CAPRIN2: variants seen among roughly 807,000 people sequenced by gnomAD.
CAPRIN2 encodes the protein caprin family member 2.
CAPRIN2 carries 66 observed loss-of-function variants against 130.4 expected under a neutral mutation model. The ratio of observed to expected loss-of-function variants is 0.51; its 90% CI spans 0.42 to 0.62. The LOEUF (loss-of-function observed/expected upper bound fraction) is 0.62. Ranked by LOEUF, CAPRIN2 falls within the 20% of genes least tolerant of loss-of-function variation. The probability of loss-of-function intolerance (pLI) is 0.00; values close to 1 mark genes in which losing one functional copy is unlikely to be tolerated. For synonymous variants in CAPRIN2, 471 were observed against 444.1 expected, an observed-to-expected ratio of 1.06 and a Z score of -0.76; for missense variants, 1,185 against 1,246.6, an observed-to-expected ratio of 0.95 and a Z score of 0.74.
chr12:30,729,579 C>A (rs576408213), intron 7 of CAPRIN2, among the ~76,000 whole-genome samples: 1 of 152,284 alleles, frequency 6.6e-6, no homozygotes, highest in East Asian at 1.9e-4. Flanking sequence ...GTTGGACTTG[C>A]CTAAGACTGG....
intron 13 of CAPRIN2, chr12:30,715,632 G>C (rs2057296178): frequency 3.5e-6 from 1 of 287,160 alleles, no homozygotes; most frequent in Admixed American, 4.9e-5. Context: ...TAATGCCACA[G>C]AACTATATAG....
At chr12:30,734,893 C>G (rs1216315612) in intron 4 of CAPRIN2, 75 bp downstream of exon 5, 2 of 896,698 alleles carry the variant, frequency 2.2e-6, no homozygotes, top group Non-Finnish European at 3.7e-6. Context: ...CACACTCTCT[C>G]TCTCACATAC....
chr12:30,738,269 G>C (rs1034716068), intron 3 of CAPRIN2, among the ~76,000 whole-genome samples: 2 of 151,736 alleles, frequency 1.3e-5, no homozygotes, highest in Non-Finnish European at 2.9e-5. Context: ...AACAAAATTT[G>C]GTGAGTTGGG....
chr12:30,711,083 C>G lies in CAPRIN2; in HGVS notation c.2665+483G>C, dbSNP rs2136249827. The stretch of plus-strand genomic sequence containing the variant: ...AGATTGCTTTCCTGTGCCAAAGTTA[C>G]TCTTCAGTGATTTTTCTTCTCCCTT... On this transcript the variant is annotated intron_variant, in intron 16 of 16. Transcript: ENST00000298892. Among the ~76,000 whole-genome samples, 3 of 152,230 alleles carry G rather than the reference C, an allele frequency of 2.0e-5. No homozygotes were observed. The South Asian group carries it at 6.2e-4, about 32-fold the overall frequency.
intron 14 of CAPRIN2, among the ~76,000 whole-genome samples, chr12:30,714,282 A>G (rs1352523116): frequency 6.6e-6 from 1 of 152,182 alleles, no homozygotes; most frequent in Non-Finnish European, 1.5e-5. Flanking sequence ...GTTGGACTCA[A>G]GCATTCTTCC....
intron 2 of CAPRIN2, among the ~76,000 whole-genome samples, chr12:30,749,372 G>A (rs11051057): frequency 0.015 from 2,239 of 152,304 alleles, 64 homozygotes; most frequent in East Asian, 0.11. Context: ...TAACCATCTT[G>A]ACTTGCATCA....
At chr12:30,743,097 T>C (rs997954319) in intron 2 of CAPRIN2, among the ~76,000 whole-genome samples, 3 of 152,010 alleles carry the variant, frequency 2.0e-5, no homozygotes, top group African/African-American at 4.8e-5. Flanking sequence ...TTCCTTTCTT[T>C]ACTAAGTGAA....
At chr12:30,729,944 C>T (rs1008655430) in intron 7 of CAPRIN2, among the ~76,000 whole-genome samples, 1 of 152,172 alleles carries the variant, frequency 6.6e-6, no homozygotes, top group Non-Finnish European at 1.5e-5. Flanking sequence ...CCAAAAATAG[C>T]TATCATTTGG....
intron 9 of CAPRIN2, among the ~76,000 whole-genome samples, chr12:30,724,713 G>A (rs958476858): frequency 2.0e-5 from 3 of 152,212 alleles, no homozygotes; most frequent in East Asian, 3.9e-4. Context: ...AGAGTAGGCC[G>A]TGCGCAGTGG....
chr12:30,711,230 AAGAAGTACC>A lies in CAPRIN2; in HGVS notation c.2665+327_2665+335del, dbSNP rs1591880696. Among the ~76,000 whole-genome samples, 3 of 152,364 alleles carry A rather than the reference AAGAAGTACC, an allele frequency of 2.0e-5. No individual in the cohort carries two copies. The East Asian group carries it at 5.8e-4, about 29-fold the overall frequency. Reference sequence around the variant, plus strand: ...TCTATTAATGCAGTGACACTACAGTAAGAAGTACCCATTATTACAAAAACCACCATCGTG... The same window carrying A: ...TCTATTAATGCAGTGACACTACAGTACATTATTACAAAAACCACCATCGTG... On this transcript the variant is annotated intron_variant, in intron 16 of 16. Coordinates refer to ENST00000298892, the Ensembl canonical transcript of CAPRIN2.
chr12:30,714,799 G>T, intron 14 of CAPRIN2, 160 bp downstream of exon 16: 2 of 515,394 alleles, frequency 3.9e-6, no homozygotes, highest in African/African-American at 1.9e-5. Context: ...CCTCTGTTAT[G>T]GAGAATAGGT....
At chr12:30,722,230 G>A (rs763694831) in intron 11 of CAPRIN2, among the ~76,000 whole-genome samples, 9 of 152,202 alleles carry the variant, frequency 5.9e-5, no homozygotes, top group Non-Finnish European at 1.3e-4. Context: ...AGACCAGTTG[G>A]AGGTGGGTTA....
chr12:30,713,926 C>A, intron 14 of CAPRIN2, 41 bp from the exon 17 acceptor site: 1 of 1,189,324 alleles, frequency 8.4e-7, no homozygotes, highest in Non-Finnish European at 1.2e-6. Context: ...TGGACAAAAT[C>A]ATATTAAACT....
At chr12:30,718,122 C>A (rs1033846886) in intron 12 of CAPRIN2, among the ~76,000 whole-genome samples, 13 of 152,166 alleles carry the variant, frequency 8.5e-5, no homozygotes, top group Non-Finnish European at 1.9e-4. Flanking sequence ...ACTAGTGTGA[C>A]AGGTTATAAC....
At chr12:30,715,384 C>T in intron 13 of CAPRIN2, 1 of 596,450 alleles carries the variant, frequency 1.7e-6, no homozygotes. Context: ...TGAATGAACC[C>T]TTAAGACATG....
In CAPRIN2 at chr12:30,735,216, C is replaced by T; in HGVS notation, c.571-10G>A. On this transcript the variant is annotated splice_polypyrimidine_tract_variant and intron_variant, in intron 3 of 16. Transcript: ENST00000298892. ...TTTGCGCTTTTAGTAGCTGTTAAAA[C>T]AAATGGCTAATTAAGGGTAACAATT... 2 of 1,597,258 alleles carry T rather than the reference C, an allele frequency of 1.3e-6. No individual in the cohort carries two copies. Among genetic ancestry groups the T allele is most frequent in the Non-Finnish European group, 1.7e-6 (2 of 1,164,850 alleles).
intron 2 of CAPRIN2, among the ~76,000 whole-genome samples, chr12:30,744,084 G>A (rs755830396): frequency 1.3e-5 from 2 of 152,098 alleles, no homozygotes; most frequent in Admixed American, 6.6e-5. Context: ...TCCATCCACT[G>A]TTCAAGCAAG....
At chr12:30,720,621 A>G (rs1470889682) in intron 12 of CAPRIN2, 190 bp downstream of exon 13, 1 of 497,746 alleles carries the variant, frequency 2.0e-6, no homozygotes, top group East Asian at 3.3e-5. Flanking sequence ...ACCATATTAA[A>G]TCTATTTATA....
At chr12:30,712,675 A>G (rs2055437934) in intron 15 of CAPRIN2, among the ~76,000 whole-genome samples, 1 of 151,672 alleles carries the variant, frequency 6.6e-6, no homozygotes, top group African/African-American at 2.4e-5. Flanking sequence ...ACATGGCAAG[A>G]GAAGTGATAA....
Sources: allele counts gnomAD v4.1 joint callset (sites outside exome capture counted in the v4.1 genomes callset), GRCh38; gene constraint gnomAD v4.1.1; transcripts MANE v1.5; gene names NCBI Gene and HGNC (gene_info 2026-07-23, HGNC 2026-07-21).